Variants in FSTL5 observed in about 807,000 individuals in gnomAD.
The protein encoded by FSTL5 is follistatin-related protein 5.
In FSTL5, 62 loss-of-function variants were observed where a neutral mutation model predicts 89.1. That is an observed-to-expected ratio of 0.70 (90% CI 0.57 to 0.86). The LOEUF (loss-of-function observed/expected upper bound fraction) is 0.86, where lower values mean the gene tolerates loss of function less well. Ranked by LOEUF, FSTL5 falls within the 40% of genes least tolerant of loss-of-function variation. The pLI, the probability that FSTL5 is intolerant of heterozygous loss-of-function variation, is 0.00. For missense variants in FSTL5, 1,057 were observed against 1,001.6 expected (o/e 1.06, Z -0.75); for synonymous variants, 383 against 346.2 (o/e 1.11, Z -1.18).
chr4:161,920,143 T>G (rs1426219072), intron 4 of FSTL5, among the ~76,000 whole-genome samples: 1 of 152,180 alleles, frequency 6.6e-6, no homozygotes, highest in Non-Finnish European at 1.5e-5. Context: ...AAATCCATGA[T>G]TGGGAAGCCA....
intron 12 of FSTL5, among the ~76,000 whole-genome samples, chr4:161,497,147 C>T (rs1024055639): frequency 5.3e-5 from 8 of 151,982 alleles, no homozygotes; most frequent in Non-Finnish European, 1.0e-4. Context: ...ATGATCAATG[C>T]GCTTCTCATT....
chr4:161,759,316 A>C, intron 6 of FSTL5, 95 bp downstream of exon 6: 1 of 1,132,926 alleles, frequency 8.8e-7, no homozygotes, highest in Non-Finnish European at 1.2e-6. Flanking sequence ...TTCTTAAGAA[A>C]CAGCTTGTAC....
chr4:161,861,182 G>A (rs1157734502), intron 4 of FSTL5, among the ~76,000 whole-genome samples: 1 of 152,088 alleles, frequency 6.6e-6, no homozygotes, highest in East Asian at 1.9e-4. Context: ...CAGCACTTTG[G>A]GAGGCTGAGG....
intron 7 of FSTL5, among the ~76,000 whole-genome samples, chr4:161,651,820 T>C (rs1311210066): frequency 6.6e-6 from 1 of 152,238 alleles, no homozygotes; most frequent in African/African-American, 2.4e-5. Flanking sequence ...CAAAACAATG[T>C]CATAATGGCT....
chr4:161,495,925 T>C (rs1730053920), intron 12 of FSTL5, among the ~76,000 whole-genome samples: 1 of 152,182 alleles, frequency 6.6e-6, no homozygotes, highest in Non-Finnish European at 1.5e-5. Flanking sequence ...ATACAGTGCA[T>C]TTACACAGGA....
intron 7 of FSTL5, among the ~76,000 whole-genome samples, chr4:161,605,198 G>A (rs1734392999): frequency 6.6e-6 from 1 of 152,116 alleles, no homozygotes; most frequent in African/African-American, 2.4e-5. Flanking sequence ...CTGGTTACAG[G>A]AGTGTTTTCA....
chr4:161,729,922 G>C (rs543223539), intron 6 of FSTL5, among the ~76,000 whole-genome samples: 1 of 152,226 alleles, frequency 6.6e-6, no homozygotes, highest in Non-Finnish European at 1.5e-5. Context: ...AGGCAATGCT[G>C]ATCACTACTT....
At chr4:161,632,839 G>T (rs1362900043) in intron 7 of FSTL5, among the ~76,000 whole-genome samples, 1 of 151,878 alleles carries the variant, frequency 6.6e-6, no homozygotes, top group Non-Finnish European at 1.5e-5. Context: ...AATAAACAAG[G>T]GAATTTAAAC....
chr4:161,631,592 G>C lies in FSTL5; in HGVS notation c.894+24736C>G, dbSNP rs376783322. ...AGATCGTACCATTTCACTCCAGACT[G>C]GACGAAATAGTGAGATTCTGTCTCT... On this transcript the variant is annotated intron_variant, in intron 7 of 15. Transcript: ENST00000306100. 3.3e-5 allele frequency among the ~76,000 whole-genome samples: 5 copies of C among 152,174 alleles called. No homozygotes were observed. In the South Asian group the frequency reaches 6.2e-4, roughly 19 times the overall value.
chr4:161,813,247 T>C (rs1267622530), intron 4 of FSTL5, among the ~76,000 whole-genome samples: 1 of 152,062 alleles, frequency 6.6e-6, no homozygotes, highest in East Asian at 1.9e-4. Context: ...GCAAGGATGG[T>C]CTCTATCTCC....
rs116701805 is a variant in FSTL5 at position 161,863,627 on chromosome 4, A to G, written c.409+56777T>C. On this transcript the variant is annotated intron_variant, in intron 4 of 15. Transcript: ENST00000306100. The stretch of plus-strand genomic sequence containing the variant: ...GCCTTTTCCAATTCCTGGTTTCCAC[A>G]AGAAGTGATTTTCCTCACCCTCCCT... Among the ~76,000 whole-genome samples the G allele has an allele frequency of 3.7e-3, 569 of 152,322 alleles. 2 individuals are homozygous for G. The highest frequency in any genetic ancestry group is 0.013 in the African/African-American group (558 of 41,586).
At chr4:161,591,160 C>T (rs745731972) in intron 7 of FSTL5, among the ~76,000 whole-genome samples, 1 of 152,122 alleles carries the variant, frequency 6.6e-6, no homozygotes, top group Non-Finnish European at 1.5e-5. Flanking sequence ...GCCTTAGGGC[C>T]TTTGCATGAA....
chr4:161,841,056 C>G (rs1731197145), intron 4 of FSTL5, among the ~76,000 whole-genome samples: 1 of 152,182 alleles, frequency 6.6e-6, no homozygotes, highest in African/African-American at 2.4e-5. Context: ...TCTCATGTCT[C>G]TGTTTCTCAG....
At chr4:161,404,521 A>T (rs756240006) in intron 15 of FSTL5, among the ~76,000 whole-genome samples, 1 of 152,196 alleles carries the variant, frequency 6.6e-6, no homozygotes, top group Non-Finnish European at 1.5e-5. Context: ...ATGCCTCAAC[A>T]TAGGGCCAAT....
At chr4:161,650,497 TG>T (rs1411443849) in intron 7 of FSTL5, among the ~76,000 whole-genome samples, 10 of 152,152 alleles carry the variant, frequency 6.6e-5, no homozygotes, top group Non-Finnish European at 1.2e-4. Flanking sequence ...ACCTGTAGAG[TG>T]GTTGAGTTAT....
At chr4:161,950,198 A>G (rs773497843) in intron 3 of FSTL5, among the ~76,000 whole-genome samples, 17 of 152,108 alleles carry the variant, frequency 1.1e-4, no homozygotes, top group African/African-American at 4.1e-4. Flanking sequence ...GGATCTTAGT[A>G]CTAAGGTTAC....
chr4:161,640,376 C>T (rs547988404), intron 7 of FSTL5, among the ~76,000 whole-genome samples: 10 of 152,006 alleles, frequency 6.6e-5, no homozygotes, highest in South Asian at 2.1e-4. Flanking sequence ...AGGTTTTAGA[C>T]GATTGTTTTC....
intron 4 of FSTL5, among the ~76,000 whole-genome samples, chr4:161,894,544 C>T (rs1022959633): frequency 4.6e-5 from 7 of 152,046 alleles, no homozygotes; most frequent in Admixed American, 2.6e-4. Context: ...TACAGTGGCT[C>T]AATCTTGGCT....
rs536250647 is a variant in FSTL5 at position 161,944,704 on chromosome 4, ATTGT to A, written c.161-24056_161-24053del. Among the ~76,000 whole-genome samples the A allele has an allele frequency of 6.5e-3, 990 of 151,952 alleles. 8 individuals are homozygous for A. The highest frequency in any genetic ancestry group is 0.011 in the Non-Finnish European group (742 of 67,868). ...ATGTATCATACATACATTTAAAGTAATTGTTTGGTTTTAGCAAAATAATACCTCT... is the reference window on the plus strand; with the variant it reads ...ATGTATCATACATACATTTAAAGTAATTGGTTTTAGCAAAATAATACCTCT... On this transcript the variant is annotated intron_variant, in intron 3 of 15. Coordinates refer to ENST00000306100, the MANE Select transcript of FSTL5 (RefSeq NM_020116.5).
Sources: allele counts gnomAD v4.1 joint callset (sites outside exome capture counted in the v4.1 genomes callset), GRCh38; gene constraint gnomAD v4.1.1; transcripts MANE v1.5; gene names NCBI Gene and HGNC (gene_info 2026-07-23, HGNC 2026-07-21).